The following HSF5 variants were observed in gnomAD, a reference collection of about 807,000 sequenced individuals.
The protein encoded by HSF5 is heat shock transcription factor 5.
A neutral mutation model predicts 50.8 loss-of-function variants in HSF5; 5 were observed. That is an observed-to-expected ratio of 0.10 (90% CI 0.05 to 0.21). HSF5 has a LOEUF of 0.21. HSF5 is among the 10% of genes least tolerant of loss of function. The pLI, the probability that HSF5 is intolerant of heterozygous loss-of-function variation, is 1.00. For synonymous variants in HSF5, 307 were observed against 307.4 expected (o/e 1.00, Z 0.02); for missense variants, 564 against 762.6 (o/e 0.74, Z 3.07).
intron 2 of HSF5, among the ~76,000 whole-genome samples, chr17:58,471,525 C>A (rs1164442375): frequency 6.6e-6 from 1 of 152,098 alleles, no homozygotes; most frequent in Non-Finnish European, 1.5e-5. Flanking sequence ...AGGGCCAATT[C>A]AGAAAAATCT....
intron 5 of HSF5, among the ~76,000 whole-genome samples, chr17:58,456,067 A>G (rs968089607): frequency 4.6e-5 from 7 of 152,044 alleles, no homozygotes; most frequent in African/African-American, 1.7e-4. Context: ...AATAGCCAAG[A>G]TATGGATCAA....
intron 2 of HSF5, among the ~76,000 whole-genome samples, chr17:58,473,831 T>A (rs1974978191): frequency 6.6e-6 from 1 of 152,192 alleles, no homozygotes; most frequent in African/African-American, 2.4e-5. Context: ...CTGGTTATAC[T>A]ATTTGAAGAC....
chr17:58,444,694 C>T (rs941315507), intron 5 of HSF5, among the ~76,000 whole-genome samples: 1 of 152,094 alleles, frequency 6.6e-6, no homozygotes, highest in Admixed American at 6.5e-5. Context: ...GGATATGACA[C>T]ACAAAGCACA....
intron 5 of HSF5, among the ~76,000 whole-genome samples, chr17:58,449,408 G>A (rs552289287): frequency 1.4e-4 from 22 of 152,278 alleles, no homozygotes; most frequent in African/African-American, 4.1e-4. Flanking sequence ...ATAAAGATAC[G>A]CACACAATGT....
chr17:58,440,406 AG>A (rs1317283801), intron 5 of HSF5, among the ~76,000 whole-genome samples: 1 of 152,198 alleles, frequency 6.6e-6, no homozygotes, highest in Non-Finnish European at 1.5e-5. Context: ...GAAAAATCTC[AG>A]GCTCTGAACT....
intron 4 of HSF5, among the ~76,000 whole-genome samples, chr17:58,460,702 G>C (rs1226451127): frequency 6.9e-6 from 1 of 144,866 alleles, no homozygotes; most frequent in African/African-American, 2.5e-5. Flanking sequence ...GTAGAGACAG[G>C]GTTTCACCGT....
At chr17:58,466,361 C>A (rs571938901) in intron 3 of HSF5, among the ~76,000 whole-genome samples, 1 of 152,280 alleles carries the variant, frequency 6.6e-6, no homozygotes, top group African/African-American at 2.4e-5. Context: ...GTGACTTACA[C>A]ACTTGTAGCG....
intron 5 of HSF5, among the ~76,000 whole-genome samples, chr17:58,449,433 C>T (rs941242587): frequency 7.2e-5 from 11 of 152,224 alleles, no homozygotes; most frequent in African/African-American, 2.4e-4. Flanking sequence ...GGCACAGTGG[C>T]TCATGCCTGT....
intron 2 of HSF5, chr17:58,476,741 T>C: frequency 6.3e-7 from 1 of 1,597,666 alleles, no homozygotes. Context: ...TCTGATCTCT[T>C]CTGAAAAAAA....
At chr17:58,439,389 G>A (rs1974470227) in intron 5 of HSF5, among the ~76,000 whole-genome samples, 1 of 150,550 alleles carries the variant, frequency 6.6e-6, no homozygotes, top group Middle Eastern at 3.2e-3. Flanking sequence ...TATCCTCAGA[G>A]AGCTATAAGA....
intron 5 of HSF5, among the ~76,000 whole-genome samples, chr17:58,444,329 C>T (rs533031802): frequency 3.9e-4 from 60 of 152,272 alleles, no homozygotes; most frequent in African/African-American, 1.4e-3. Flanking sequence ...AAACATACTA[C>T]AAAGCTACAG....
intron 5 of HSF5, among the ~76,000 whole-genome samples, chr17:58,448,921 T>C (rs2143758906): frequency 6.6e-6 from 1 of 152,320 alleles, no homozygotes; most frequent in Middle Eastern, 3.4e-3. Context: ...AACAGTTTGT[T>C]AAAAGATAGG....
rs146166864 is a variant in HSF5 at position 58,482,941 on chromosome 17, T to TA, written c.551-2675dup. ...GGTGACAGAGGGAGACTCTGTCTTTTAAAAAAAAAAAAAAAAAGCATAAAA... is the reference window on the plus strand; with the variant it reads ...GGTGACAGAGGGAGACTCTGTCTTTTAAAAAAAAAAAAAAAAAAGCATAAAA... On this transcript the variant is annotated intron_variant, in intron 1 of 5. Coordinates refer to ENST00000323777, the MANE Select transcript of HSF5 (RefSeq NM_001080439.3). Among the ~76,000 whole-genome samples, 426 of 131,214 alleles carry TA rather than the reference T, an allele frequency of 3.2e-3. 2 individuals carry two copies. Among genetic ancestry groups the TA allele is most frequent in the South Asian group, 0.024 (96 of 3,960 alleles). The allele number at this position is 131,214 out of a possible 152,430, so 86.1% of individuals were successfully genotyped here.
chr17:58,487,942 G>A lies in HSF5; in HGVS notation c.333C>T (p.Phe111=). 6.2e-7 allele frequency: 1 copy of A among 1,611,608 alleles called. No homozygotes were observed. Among genetic ancestry groups the A allele is most frequent in the Non-Finnish European group, 8.5e-7 (1 of 1,179,404 alleles). ...KPAGNGPLHH[F]HNPHFRRDQP... is the part of the protein sequence containing the mutation. ...GGTCGCGGCGGAAGTGCGGGTTGTG[G>A]AAGTGATGGAGCGGCCCATTGCCTG... Residue 111 remains phenylalanine (F), a synonymous_variant, in exon 1 of 6, where the codon TTC becomes TTT. Transcript: ENST00000323777.
At chr17:58,468,994 G>T (rs1974909542) in intron 2 of HSF5, among the ~76,000 whole-genome samples, 1 of 150,170 alleles carries the variant, frequency 6.7e-6, no homozygotes, top group Admixed American at 6.7e-5. Context: ...ATTTGAATTT[G>T]ATTTCCCAAA....
chr17:58,453,599 AAACAACAACAAC>A (rs71143249), intron 5 of HSF5, among the ~76,000 whole-genome samples: 10 of 150,544 alleles, frequency 6.6e-5, no homozygotes, highest in East Asian at 3.9e-4. Context: ...ACTCCATCTC[AAACAACAACAAC>A]AACAACAACA....
intron 5 of HSF5, among the ~76,000 whole-genome samples, chr17:58,453,819 T>C (rs976129770): frequency 6.6e-6 from 1 of 152,034 alleles, no homozygotes; most frequent in African/African-American, 2.4e-5. Flanking sequence ...CCGGGCATGG[T>C]GGATCACACC....
chr17:58,425,359 T>C (rs982184835), intron 5 of HSF5, among the ~76,000 whole-genome samples: 2 of 151,352 alleles, frequency 1.3e-5, no homozygotes, highest in Admixed American at 6.6e-5. Context: ...TGAGCCGAGA[T>C]TGCGTCATTG....
chr17:58,435,451 G>A (rs2143737948), intron 5 of HSF5, among the ~76,000 whole-genome samples: 1 of 152,194 alleles, frequency 6.6e-6, no homozygotes, highest in East Asian at 1.9e-4. Context: ...GGAGGCTGAA[G>A]CACGAGAATC....
Sources: gnomAD v4.1 joint callset for allele counts (sites outside exome capture counted in the v4.1 genomes callset) on GRCh38, gnomAD v4.1.1 for gene constraint, MANE v1.5 for transcripts, NCBI Gene and HGNC (gene_info 2026-07-23, HGNC 2026-07-21) for gene names.